VPS13B: variants seen among roughly 807,000 people sequenced by gnomAD.
VPS13B encodes vacuolar protein sorting 13 homolog B.
VPS13B carries 285 observed loss-of-function variants against 426.4 expected under a neutral mutation model. That is an observed-to-expected ratio of 0.67 (90% CI 0.61 to 0.74). The LOEUF (loss-of-function observed/expected upper bound fraction) is 0.74. Among genes scored for constraint, VPS13B ranks in the 30% least tolerant of loss-of-function variants. The pLI is 0.00. For synonymous variants in VPS13B, 1,676 were observed against 1,676.4 expected (o/e 1.00, Z 0.01); for missense variants, 4,537 against 4,782.6 (o/e 0.95, Z 1.51).
intron 35 of VPS13B, among the ~76,000 whole-genome samples, chr8:99,680,055 T>C (rs575733601): frequency 6.6e-6 from 1 of 152,318 alleles, no homozygotes; most frequent in African/African-American, 2.4e-5. Context: ...CTTGTAAGTC[T>C]TGCTTGTCTA....
chr8:99,215,196 T>C (rs979713457), intron 17 of VPS13B, among the ~76,000 whole-genome samples: 1 of 152,224 alleles, frequency 6.6e-6, no homozygotes, highest in African/African-American at 2.4e-5. Flanking sequence ...GTAAATAGTT[T>C]ACAAATTCTA....
At chr8:99,416,906 A>G (rs73702013) in intron 21 of VPS13B, among the ~76,000 whole-genome samples, 2 of 152,330 alleles carry the variant, frequency 1.3e-5, no homozygotes, top group East Asian at 1.9e-4. Flanking sequence ...TTTATAGTGC[A>G]GTATTTGTCA....
intron 15 of VPS13B, among the ~76,000 whole-genome samples, chr8:99,162,399 G>A (rs1168537521): frequency 6.6e-6 from 1 of 152,174 alleles, no homozygotes; most frequent in East Asian, 1.9e-4. Flanking sequence ...TGGCTGTATT[G>A]GCTATATGAT....
intron 30 of VPS13B, among the ~76,000 whole-genome samples, chr8:99,554,153 G>A (rs1273127981): frequency 4.6e-5 from 7 of 152,110 alleles, no homozygotes; most frequent in South Asian, 4.2e-4. Context: ...ATAGGAAATC[G>A]GTTGTTTACA....
At chr8:99,690,275 C>T (rs554719976) in intron 35 of VPS13B, among the ~76,000 whole-genome samples, 4 of 152,268 alleles carry the variant, frequency 2.6e-5, no homozygotes, top group African/African-American at 9.6e-5. Context: ...TGAACCCCTA[C>T]CTCATACAGT....
At chr8:99,115,517 A>G (rs927020402) in intron 6 of VPS13B, among the ~76,000 whole-genome samples, 183 bp from the exon 7 acceptor site, 1 of 152,174 alleles carries the variant, frequency 6.6e-6, no homozygotes, top group South Asian at 2.1e-4. Flanking sequence ...TGTATTGATC[A>G]TCATAGCAAA....
intron 35 of VPS13B, among the ~76,000 whole-genome samples, chr8:99,686,873 T>C (rs1234656147): frequency 6.6e-6 from 1 of 152,044 alleles, no homozygotes; most frequent in Non-Finnish European, 1.5e-5. Context: ...AGCTGGTACC[T>C]AAGCTGCAAG....
chr8:99,534,334 C>G (rs959087070), intron 30 of VPS13B, among the ~76,000 whole-genome samples: 1 of 152,070 alleles, frequency 6.6e-6, no homozygotes, highest in Non-Finnish European at 1.5e-5. Context: ...TAAGTTCTAC[C>G]ATCATAAATT....
chr8:99,810,119 C>T (rs901466720), intron 44 of VPS13B, among the ~76,000 whole-genome samples: 1 of 152,126 alleles, frequency 6.6e-6, no homozygotes, highest in Non-Finnish European at 1.5e-5. Context: ...TGCTTTTTGG[C>T]TGTTTTTGAA....
intron 19 of VPS13B, among the ~76,000 whole-genome samples, chr8:99,338,527 A>G (rs1397274299): frequency 6.6e-6 from 1 of 152,126 alleles, no homozygotes; most frequent in African/African-American, 2.4e-5. Flanking sequence ...CTAAGAATTG[A>G]CAGTTTTGAC....
chr8:99,058,738 A>C (rs1460083396), intron 3 of VPS13B, among the ~76,000 whole-genome samples: 1 of 152,212 alleles, frequency 6.6e-6, no homozygotes, highest in East Asian at 1.9e-4. Flanking sequence ...TGGAGCCCAG[A>C]TGGAACTAAG....
intron 39 of VPS13B, among the ~76,000 whole-genome samples, chr8:99,727,876 G>A (rs983791917): frequency 1.3e-5 from 2 of 152,200 alleles, no homozygotes; most frequent in South Asian, 4.1e-4. Context: ...CCAAAGAAAT[G>A]GTGCCTAAGA....
chr8:99,426,047 G>C (rs1816685237), intron 21 of VPS13B, among the ~76,000 whole-genome samples: 1 of 143,862 alleles, frequency 7.0e-6, no homozygotes, highest in Non-Finnish European at 1.5e-5. Flanking sequence ...ATCTACCAAT[G>C]CTATCCCTCC....
At chr8:99,258,180 G>A (rs897078328) in intron 17 of VPS13B, among the ~76,000 whole-genome samples, 1 of 148,484 alleles carries the variant, frequency 6.7e-6, no homozygotes, top group East Asian at 2.0e-4. Flanking sequence ...AGAGAAAAAA[G>A]CACTCTAATA....
intron 36 of VPS13B, among the ~76,000 whole-genome samples, chr8:99,712,660 T>C (rs1056855639): frequency 1.3e-5 from 2 of 152,046 alleles, no homozygotes; most frequent in African/African-American, 4.8e-5. Flanking sequence ...TGTGTGATCA[T>C]TGGCTTCCTA....
chr8:99,851,847 T>G (rs1816310312), intron 55 of VPS13B, among the ~76,000 whole-genome samples: 1 of 152,004 alleles, frequency 6.6e-6, no homozygotes, highest in African/African-American at 2.4e-5. Flanking sequence ...TTTTTGAACA[T>G]AGAAGTGACA....
At chr8:99,248,999 C>T (rs868527622) in intron 17 of VPS13B, among the ~76,000 whole-genome samples, 5 of 152,282 alleles carry the variant, frequency 3.3e-5, no homozygotes, top group Middle Eastern at 3.4e-3. Context: ...CTTTATATCA[C>T]TCCATAAAAA....
At position 99,316,525 on chromosome 8, in the gene VPS13B, G is replaced by A. The variant is rs1021250607; in HGVS notation, c.2824+41271G>A. On this transcript the variant is annotated intron_variant, in intron 19 of 61. Transcript: ENST00000357162. Reference sequence around the variant, plus strand: ...ATGTTAGTTTCAGGGGCCTGTGAGGGTCAAGGTTCTCTCTCTTCACTAGAA... The same window carrying A: ...ATGTTAGTTTCAGGGGCCTGTGAGGATCAAGGTTCTCTCTCTTCACTAGAA... Among the ~76,000 whole-genome samples the A allele has an allele frequency of 1.2e-4, 19 of 152,120 alleles. 1 individual carries two copies. Among genetic ancestry groups the A allele is most frequent in the African/African-American group, 4.3e-4 (18 of 41,410 alleles).
chr8:99,248,344 T>C (rs1311327465), intron 17 of VPS13B, among the ~76,000 whole-genome samples: 2 of 152,294 alleles, frequency 1.3e-5, no homozygotes, highest in African/African-American at 2.4e-5. Context: ...TATACATATA[T>C]AGAAATATAT....
Sources: allele counts gnomAD v4.1 joint callset (sites outside exome capture counted in the v4.1 genomes callset), GRCh38; gene constraint gnomAD v4.1.1; transcripts MANE v1.5; gene names NCBI Gene and HGNC (gene_info 2026-07-23, HGNC 2026-07-21).